Variants in MACROD1 observed in about 807,000 individuals in gnomAD.
The protein encoded by MACROD1 is mono-ADP ribosylhydrolase 1.
MACROD1 carries 31 observed loss-of-function variants against 41.4 expected under a neutral mutation model. The observed-to-expected ratio is 0.75, with a 90% CI of 0.56 to 1.01. The LOEUF (loss-of-function observed/expected upper bound fraction) is 1.01. Among genes scored for constraint, MACROD1 ranks in the 50% least tolerant of loss-of-function variants. MACROD1 has a pLI of 0.00. For missense variants in MACROD1, 473 were observed against 460.0 expected (o/e 1.03, Z -0.26); for synonymous variants, 252 against 203.4 (o/e 1.24, Z -2.03).
chr11:64,110,471 ATC>A (rs1405176808), intron 3 of MACROD1, among the ~76,000 whole-genome samples: 3 of 151,836 alleles, frequency 2.0e-5, no homozygotes, highest in African/African-American at 7.3e-5. Flanking sequence ...AAAGAAAGAA[ATC>A]ATACCACCTG....
At chr11:64,097,550 C>T (rs1171942348) in intron 3 of MACROD1, among the ~76,000 whole-genome samples, 1 of 152,242 alleles carries the variant, frequency 6.6e-6, no homozygotes, top group Non-Finnish European at 1.5e-5. Context: ...GGCACAGACT[C>T]CTGAAGCCAC....
rs548167228 is a variant in MACROD1, at chr11:64,056,685, C to G, written c.518-41404G>C. The stretch of plus-strand genomic sequence containing the variant: ...GGGACAGGCACCACCCGGGGCTGTG[C>G]CCACCAGCAGCACTCATAGGGGACA... On this transcript the variant is annotated intron_variant, in intron 3 of 10. Transcript: ENST00000255681. 2.6e-5 allele frequency among the ~76,000 whole-genome samples: 4 copies of G among 152,306 alleles called. 1 individual carries two copies. Among genetic ancestry groups the G allele is most frequent in the Admixed American group, 2.6e-4 (4 of 15,304 alleles).
intron 3 of MACROD1, among the ~76,000 whole-genome samples, chr11:64,041,199 T>TAAAAAAAAAAAAAAAAAAAAA (rs71045724): frequency 4.6e-5 from 1 of 21,600 alleles, no homozygotes; most frequent in African/African-American, 1.6e-4. Context: ...TAGCAAACTG[T>TAAAAAAAAAAAAAAAAAAAAA]AAAAAAAAAA....
intron 3 of MACROD1, among the ~76,000 whole-genome samples, chr11:64,078,896 G>GA (rs1241302386): frequency 6.6e-6 from 1 of 152,224 alleles, no homozygotes. Context: ...CTCAGAGTGG[G>GA]AGTTTGGCAG....
chr11:64,031,031 G>A (rs1943286993), intron 3 of MACROD1, among the ~76,000 whole-genome samples: 2 of 152,148 alleles, frequency 1.3e-5, no homozygotes. Flanking sequence ...TAAGACCCTT[G>A]TTTCAAGGCC....
In MACROD1 at chr11:64,076,249, G is replaced by C. The variant is rs2701547; in HGVS notation, c.518-60968C>G. On this transcript the variant is annotated intron_variant, in intron 3 of 10. Coordinates refer to ENST00000255681, the MANE Select transcript of MACROD1 (RefSeq NM_014067.4). ...CCTGCTTCCTTAGCAAGACCCTCCA[G>C]CCCTCACCAGGTGCCCCCATGACCC... 6.4e-3 allele frequency among the ~76,000 whole-genome samples: 968 copies of C among 152,242 alleles called. 9 individuals are homozygous for C. The highest frequency in any genetic ancestry group is 0.026 in the South Asian group (125 of 4,820).
intron 3 of MACROD1, among the ~76,000 whole-genome samples, chr11:64,022,557 C>T (rs926002068): frequency 2.6e-5 from 4 of 152,114 alleles, no homozygotes; most frequent in Admixed American, 6.5e-5. Context: ...GACTTGAGGG[C>T]GAGTCGTTTA....
chr11:64,116,003 T>A (rs1433142082), intron 3 of MACROD1, among the ~76,000 whole-genome samples: 1 of 152,196 alleles, frequency 6.6e-6, no homozygotes, highest in Non-Finnish European at 1.5e-5. Flanking sequence ...AGATTTAACA[T>A]TAGCCAGATG....
Position 64,082,140 on chromosome 11 carries a change from G to T in MACROD1, c.518-66859C>A, listed in dbSNP as rs976437534. Reference sequence around the variant, plus strand: ...CCAGGCCCTCCTGTGGCTGCGCCTGGAGCCTCCCGGGAGGGAGGCCAGAGC... The same window carrying T: ...CCAGGCCCTCCTGTGGCTGCGCCTGTAGCCTCCCGGGAGGGAGGCCAGAGC... On this transcript the variant is annotated intron_variant, in intron 3 of 10. Coordinates refer to ENST00000255681, the MANE Select transcript of MACROD1 (RefSeq NM_014067.4). This position sits in a 1 kb window ranked among gnomAD's most constrained non-coding sequence, Gnocchi z 4.5. The T allele has an allele frequency of 6.6e-6, 1 of 152,242 alleles. No homozygotes were observed. The highest frequency in any genetic ancestry group is 2.4e-5 in the African/African-American group (1 of 41,508). The allele number at this position is 152,242 out of a possible 1,614,324, so 9.4% of individuals were successfully genotyped here.
intron 3 of MACROD1, among the ~76,000 whole-genome samples, chr11:64,094,225 G>A (rs755551377): frequency 7.2e-5 from 11 of 152,206 alleles, no homozygotes; most frequent in Non-Finnish European, 1.5e-4. Context: ...AAGGTCAGGA[G>A]TTCAAGACCA....
chr11:64,087,846 G>A (rs1293703821), intron 3 of MACROD1, among the ~76,000 whole-genome samples: 3 of 152,244 alleles, frequency 2.0e-5, no homozygotes, highest in Non-Finnish European at 2.9e-5. Flanking sequence ...CTCTCCTGGG[G>A]GCTGTTTCAG....
chr11:64,083,902 C>T (rs768713306), intron 3 of MACROD1, among the ~76,000 whole-genome samples: 14 of 152,190 alleles, frequency 9.2e-5, no homozygotes, highest in Non-Finnish European at 1.8e-4. Context: ...TGCAGGCGGG[C>T]GTGCGGCCGG....
chr11:64,152,021 C>A (rs1945586800), intron 2 of MACROD1, among the ~76,000 whole-genome samples: 2 of 152,284 alleles, frequency 1.3e-5, no homozygotes, highest in Admixed American at 6.5e-5. Flanking sequence ...CCCAGCTACT[C>A]AGGAGGCTGA....
chr11:64,109,740 G>A (rs958510150), intron 3 of MACROD1, among the ~76,000 whole-genome samples: 3 of 152,144 alleles, frequency 2.0e-5, no homozygotes, highest in Non-Finnish European at 2.9e-5. Context: ...AGCTCTGTGC[G>A]GCCCAGACAT....
intron 3 of MACROD1, among the ~76,000 whole-genome samples, chr11:64,111,397 G>A (rs550587936): frequency 6.6e-6 from 1 of 152,344 alleles, no homozygotes; most frequent in Admixed American, 6.5e-5. Context: ...AGTGACCTGT[G>A]AGCTGGCCTG....
intron 3 of MACROD1, among the ~76,000 whole-genome samples, chr11:64,150,712 C>T (rs1045136668): frequency 6.6e-6 from 1 of 152,172 alleles, no homozygotes; most frequent in Admixed American, 6.5e-5. Context: ...GGCTCCCATA[C>T]TCATCACAAT....
intron 3 of MACROD1, among the ~76,000 whole-genome samples, chr11:64,030,002 G>A (rs1339421511): frequency 2.0e-5 from 3 of 152,106 alleles, no homozygotes; most frequent in African/African-American, 2.4e-5. Flanking sequence ...GCCACCAACC[G>A]CCTCAGTCCT....
At chr11:64,038,402 A>G (rs1318201310) in intron 3 of MACROD1, among the ~76,000 whole-genome samples, 1 of 152,206 alleles carries the variant, frequency 6.6e-6, no homozygotes. Context: ...GGCAGTGCAC[A>G]CATGAGCAGG....
chr11:64,107,849 G>T (rs1944790516), intron 3 of MACROD1, among the ~76,000 whole-genome samples: 1 of 152,172 alleles, frequency 6.6e-6, no homozygotes, highest in Non-Finnish European at 1.5e-5. Flanking sequence ...ACTAGGGCTT[G>T]GAAAAGCCCC....
Sources: gnomAD v4.1 joint callset for allele counts (sites outside exome capture counted in the v4.1 genomes callset) on GRCh38, gnomAD v4.1.1 for gene constraint, Gnocchi (gnomAD v3.1) non-coding constraint, MANE v1.5 for transcripts, NCBI Gene and HGNC (gene_info 2026-07-23, HGNC 2026-07-21) for gene names.